MORN1: variants seen among roughly 807,000 people sequenced by gnomAD.
The protein encoded by MORN1 is MORN repeat-containing protein 1.
A neutral mutation model predicts 61.9 loss-of-function variants in MORN1; 67 were observed. That is an observed-to-expected ratio of 1.08 (90% CI 0.89 to 1.33). The LOEUF is 1.33. Ranked by LOEUF, MORN1 falls within the 40% of genes most tolerant of loss-of-function variation. MORN1 has a pLI of 0.00. For missense variants in MORN1, 752 were observed against 691.2 expected (o/e 1.09, Z -0.99); for synonymous variants, 301 against 292.0 (o/e 1.03, Z -0.31).
At chr1:2,352,003 C>T (rs750688772) in intron 10 of MORN1, 8 of 519,742 alleles carry the variant, frequency 1.5e-5, no homozygotes, top group South Asian at 1.5e-4. Flanking sequence ...ATGAGACCCC[C>T]TCCACCAGGA....
rs554741811 is a variant in MORN1 at position 2,352,168 on chromosome 1, T to C, written c.1036+5264A>G. On this transcript the variant is annotated intron_variant, in intron 10 of 13. Coordinates refer to ENST00000378531, the MANE Select transcript of MORN1 (RefSeq NM_024848.3). ...CTGGTTCTGCATTAATAATAGCTAA[T>C]AATAAATGTATAGAGCAATTAAAAA... 2.0e-4 allele frequency: 62 copies of C among 306,644 alleles called. 1 individual carries two copies. The highest frequency in any genetic ancestry group is 3.4e-4 in the Non-Finnish European group (55 of 160,582). The allele number at this position is 306,644 out of a possible 1,614,324, so 19.0% of individuals were successfully genotyped here.
rs1452439083 is a variant in MORN1, at chr1:2,337,967, C to T, written c.1037-1117G>A. Reference sequence around the variant, plus strand: ...CAGTGCCCAGGAGGGAAGGAGGAGTCAGGGGCTGCTGAGGGGTGCACAGGA... The same window carrying T: ...CAGTGCCCAGGAGGGAAGGAGGAGTTAGGGGCTGCTGAGGGGTGCACAGGA... On this transcript the variant is annotated intron_variant, in intron 10 of 13. Transcript: ENST00000378531. The surrounding 1 kb of genome is among the most constrained non-coding windows in gnomAD (Gnocchi z 5.7). 6.6e-6 allele frequency among the ~76,000 whole-genome samples: 1 copy of T among 152,190 alleles called. No homozygotes were observed. Among genetic ancestry groups the T allele is most frequent in the African/African-American group, 2.4e-5 (1 of 41,456 alleles).
rs922819207 is a variant in MORN1, at chr1:2,337,108, C to T, written c.1037-258G>A. 3.3e-5 allele frequency among the ~76,000 whole-genome samples: 5 copies of T among 152,176 alleles called. No individual in the cohort carries two copies. Among genetic ancestry groups the T allele is most frequent in the Admixed American group, 2.0e-4 (3 of 15,288 alleles). On this transcript the variant is annotated intron_variant, in intron 10 of 13. Coordinates refer to ENST00000378531, the MANE Select transcript of MORN1 (RefSeq NM_024848.3). This position sits in a 1 kb window ranked among gnomAD's most constrained non-coding sequence, Gnocchi z 5.7. ...CCGCCCCCTTCTGAGTCCACCCCAG[C>T]GCCAGGGAGCCCAGCGCTTTGCAGT...
intron 10 of MORN1, among the ~76,000 whole-genome samples, chr1:2,339,953 T>C (rs1427041895): frequency 1.3e-5 from 2 of 152,248 alleles, no homozygotes; most frequent in African/African-American, 4.8e-5. Flanking sequence ...CAGGGCACCC[T>C]CTGTGCAGAC....
chr1:2,377,155 G>C (rs1273268242), intron 6 of MORN1: 1 of 152,430 alleles, frequency 6.6e-6, no homozygotes, highest in African/African-American at 2.4e-5. Context: ...CTGGCACCCA[G>C]GTGAGCACAG....
chr1:2,324,670 C>T lies in MORN1; in HGVS notation c.1251-527G>A, dbSNP rs547695337. Among the ~76,000 whole-genome samples the T allele has an allele frequency of 1.3e-4, 20 of 152,252 alleles. No homozygotes were observed. In the South Asian group the frequency reaches 2.5e-3, roughly 19 times the overall value. On this transcript the variant is annotated intron_variant, in intron 12 of 13. Transcript: ENST00000378531. ...GCCATGACTGGGAAAGGAGAGGTAG[C>T]AGTGAGGATGGGAGGGGCCCAGGGG...
chr1:2,336,796 C>T lies in MORN1; in HGVS notation c.1091G>A (p.Cys364Tyr), dbSNP rs1398005960. ...PGACQRVEQGCAEFTDVLLGP... is the reference protein window; with the variant it reads ...PGACQRVEQGYAEFTDVLLGP... ...CAGGAGGACATCTGTGAACTCGGCA[C>T]AGCCCTGCTCCACTCGCTGACAGGC... The change falls in exon 11 of 14, where the codon TGT becomes TAT. Residue 364 changes from cysteine (C) to tyrosine (Y), a missense_variant. Physicochemically the swap from Cys to Tyr is radical, Grantham distance 194. Transcript: ENST00000378531. The T allele has an allele frequency of 3.1e-6, 5 of 1,603,020 alleles. No homozygotes were observed. The highest frequency in any genetic ancestry group is 1.7e-4 in the Middle Eastern group (1 of 6,008).
chr1:2,358,631 A>G lies in MORN1; in HGVS notation c.830T>C (p.Val277Ala), dbSNP rs1329347415. 6.2e-7 allele frequency: 1 copy of G among 1,614,122 alleles called. No homozygotes were observed. The highest frequency in any genetic ancestry group is 8.5e-7 in the Non-Finnish European group (1 of 1,179,996). Reference protein sequence around the residue: ...SAYSEVNFFKVDRDNQETLIQ... With the variant: ...SAYSEVNFFKADRDNQETLIQ... Reference sequence around the variant, plus strand: ...GAGTGTCTCTTGGTTGTCTCTGTCCACTTTGAAAAAGTTGACCTCAGAGTA... The same window carrying G: ...GAGTGTCTCTTGGTTGTCTCTGTCCGCTTTGAAAAAGTTGACCTCAGAGTA... The change falls in exon 9 of 14, where the codon GTG becomes GCG. Residue 277 changes from valine (V) to alanine (A), a missense_variant. Val to Ala is a moderately conservative substitution (Grantham distance 64). Transcript: ENST00000378531.
intron 10 of MORN1, among the ~76,000 whole-genome samples, chr1:2,355,745 G>A (rs773382822): frequency 2.0e-5 from 3 of 152,234 alleles, no homozygotes; most frequent in Non-Finnish European, 4.4e-5. Flanking sequence ...CACAGTGCCC[G>A]GGAGAAAGGG....
At chr1:2,384,548 C>A (rs1033854444) in intron 6 of MORN1, among the ~76,000 whole-genome samples, 9 of 152,246 alleles carry the variant, frequency 5.9e-5, no homozygotes, top group African/African-American at 2.2e-4. Context: ...AAGGGCATCT[C>A]CTCTCCGTAC....
chr1:2,340,650 G>A (rs1468379261), intron 10 of MORN1, among the ~76,000 whole-genome samples: 1 of 152,210 alleles, frequency 6.6e-6, no homozygotes, highest in Non-Finnish European at 1.5e-5. Context: ...GGTGGACCTT[G>A]TCACTCACCG....
At chr1:2,330,985 A>C (rs1327837236) in intron 12 of MORN1, among the ~76,000 whole-genome samples, 1 of 152,230 alleles carries the variant, frequency 6.6e-6, no homozygotes, top group African/African-American at 2.4e-5. Flanking sequence ...GAATTCCGTA[A>C]CACGCCTGGA....
intron 10 of MORN1, among the ~76,000 whole-genome samples, chr1:2,341,071 T>C (rs529309068): frequency 1.3e-5 from 2 of 152,376 alleles, no homozygotes; most frequent in South Asian, 4.1e-4. Flanking sequence ...CAGGCTGGCC[T>C]TGCCCTTCTG....
chr1:2,374,546 G>A lies in MORN1; in HGVS notation c.549C>T (p.His183=), dbSNP rs774221004. 37 of 1,592,862 alleles carry A rather than the reference G, an allele frequency of 2.3e-5. No individual in the cohort carries two copies. The highest frequency in any genetic ancestry group is 3.1e-5 in the Non-Finnish European group (36 of 1,170,226). Residue 183 remains histidine, a synonymous_variant, in exon 7 of 14, where the codon CAC becomes CAT. Coordinates refer to ENST00000378531, the MANE Select transcript of MORN1 (RefSeq NM_024848.3). ...TGCCCAGTCCACTGAAGACGTCGCT[G>A]TGCCACTGTCCCTGCAGAGAGAAGG... ...ADGSTYKGQW[H]SDVFSGLGSM...
At chr1:2,322,845 G>A (rs911262815) in intron 13 of MORN1, 44 of 985,442 alleles carry the variant, frequency 4.5e-5, no homozygotes, top group South Asian at 1.4e-4. Context: ...TGAGGCTGGC[G>A]TCCCGGCGGA....
At chr1:2,331,354 C>T (rs1025691599) in intron 12 of MORN1, among the ~76,000 whole-genome samples, 12 of 152,220 alleles carry the variant, frequency 7.9e-5, no homozygotes, top group Admixed American at 6.5e-4. Context: ...GGACTTGGCC[C>T]CACGTGGCCA....
chr1:2,384,869 C>T (rs776258727), intron 6 of MORN1, 109 bp downstream of exon 6: 9 of 901,922 alleles, frequency 1.0e-5, no homozygotes, highest in South Asian at 9.0e-5. Context: ...ATCGCAGGGC[C>T]TGGCACATGG....
intron 6 of MORN1, among the ~76,000 whole-genome samples, chr1:2,379,817 G>C (rs1409505982): frequency 6.6e-6 from 1 of 152,264 alleles, no homozygotes; most frequent in Non-Finnish European, 1.5e-5. Context: ...TGAGGCCGCT[G>C]TGGAGAACAG....
intron 13 of MORN1, chr1:2,323,134 T>C (rs1640921303): frequency 7.1e-6 from 7 of 985,404 alleles, no homozygotes; most frequent in Non-Finnish European, 8.4e-6. Flanking sequence ...CCTCCTGGGA[T>C]GGCTGGGACG....
Sources: gnomAD v4.1 joint callset for allele counts (sites outside exome capture counted in the v4.1 genomes callset) on GRCh38, gnomAD v4.1.1 for gene constraint, Gnocchi (gnomAD v3.1) non-coding constraint, MANE v1.5 for transcripts, NCBI Gene and HGNC (gene_info 2026-07-23, HGNC 2026-07-21) for gene names.